Variants in ADAM28 observed in about 807,000 individuals in gnomAD.
ADAM28 encodes ADAM metallopeptidase domain 28.
In ADAM28, 105 loss-of-function variants were observed where a neutral mutation model predicts 101.2. The ratio of observed to expected loss-of-function variants is 1.04; its 90% CI spans 0.89 to 1.22. The LOEUF (loss-of-function observed/expected upper bound fraction) is 1.22, where lower values mean the gene tolerates loss of function less well. ADAM28 is among the 50% of genes most tolerant of loss of function. ADAM28 has a pLI of 0.00. For missense variants in ADAM28, 1,028 were observed against 945.4 expected (o/e 1.09, Z -1.15); for synonymous variants, 322 against 310.6 (o/e 1.04, Z -0.39).
chr8:24,353,914 A>C, intron 22 of ADAM28, 82 bp downstream of exon 22: 1 of 984,846 alleles, frequency 1.0e-6, no homozygotes, highest in South Asian at 1.7e-5. Flanking sequence ...GTCTTTTTAG[A>C]AAAAAACTTA....
intron 11 of ADAM28, 50 bp from the exon 12 acceptor site, chr8:24,331,100 C>T (rs778932033): frequency 1.3e-6 from 2 of 1,524,254 alleles, no homozygotes; most frequent in African/African-American, 1.4e-5. Flanking sequence ...TACTGCTTCG[C>T]ACATGTTAAG....
In ADAM28 at chr8:24,294,182, C is replaced by T; in HGVS notation, c.33C>T (p.Leu11=). MLQGLLPVSL[L]LSVAVSAIKE... ...AAGGTCTCCTGCCAGTCAGTCTCCT[C>T]CTCTCTGTTGCAGGTACATATTTAG... Residue 11 remains leucine, a synonymous_variant, in exon 1 of 23, where the codon CTC becomes CTT. Coordinates refer to ENST00000265769, the MANE Select transcript of ADAM28 (RefSeq NM_014265.6). 6.2e-7 allele frequency: 1 copy of T among 1,614,144 alleles called. No homozygotes were observed. The highest frequency in any genetic ancestry group is 1.1e-5 in the South Asian group (1 of 91,090).
At chr8:24,334,619 T>TGG (rs1162754296) in intron 13 of ADAM28, among the ~76,000 whole-genome samples, 4 of 152,232 alleles carry the variant, frequency 2.6e-5, no homozygotes, top group African/African-American at 9.6e-5. Context: ...AGGAATTCTC[T>TGG]GACTGGAGCT....
chr8:24,351,474 A>C, intron 20 of ADAM28, 164 bp downstream of exon 20: 5 of 739,086 alleles, frequency 6.8e-6, no homozygotes, highest in Admixed American at 2.1e-5. Flanking sequence ...AGTCCCTAAA[A>C]TGCCGAGGCT....
At position 24,355,125 on chromosome 8, in the gene ADAM28, A is replaced by C. The variant is rs1362492339; in HGVS notation, c.*721A>C. ...GGTCTGAATGATATTGATATTGGAC[A>C]CATAGTACTTTTACATGTTTTGAAT... On this transcript the variant is annotated 3_prime_UTR_variant, in exon 23 of 23. Transcript: ENST00000265769. 1 of 152,592 alleles carries C rather than the reference A, an allele frequency of 6.6e-6. No homozygotes were observed. The highest frequency in any genetic ancestry group is 1.5e-5 in the Non-Finnish European group (1 of 68,012). The allele number at this position is 152,592 out of a possible 1,614,324, so 9.5% of individuals were successfully genotyped here. A position where few individuals can be genotyped will look rare whatever the true frequency, so the allele number is the denominator to read the frequency against.
Position 24,335,456 on chromosome 8 carries a change from C to A in ADAM28, c.1382C>A (p.Ala461Asp). 3 of 1,610,490 alleles carry A rather than the reference C, an allele frequency of 1.9e-6. No individual in the cohort carries two copies. The highest frequency in any genetic ancestry group is 1.1e-5 in the South Asian group (1 of 90,508). ...ECCEKCQFKK[A>D]GMVCRPAKDE... ...TTTGTTTTTCTACAGTTTAAAAAGG[C>A]TGGGATGGTGTGCAGACCAGCAAAA... The change falls in exon 14 of 23, where the codon GCT becomes GAT. Residue 461 changes from alanine (A) to aspartate (D), a missense_variant. By Grantham distance (126) the Ala-to-Asp change is moderately radical (BLOSUM62 -2). Coordinates refer to ENST00000265769, the MANE Select transcript of ADAM28 (RefSeq NM_014265.6).
At chr8:24,325,892 A>C (rs1301666855) in intron 9 of ADAM28, among the ~76,000 whole-genome samples, 18 of 141,610 alleles carry the variant, frequency 1.3e-4, no homozygotes, top group South Asian at 2.3e-4. Flanking sequence ...AAAAAAAAAA[A>C]AAAAAAAACC....
At chr8:24,339,397 T>C (rs1412846517) in intron 14 of ADAM28, 69 bp from the exon 15 acceptor site, 1 of 1,227,326 alleles carries the variant, frequency 8.1e-7, no homozygotes, top group African/African-American at 1.5e-5. Context: ...TTAAAATCTT[T>C]TATTTTCAAG....
At position 24,339,480 on chromosome 8, in the gene ADAM28, G is replaced by C; in HGVS notation, c.1582G>C (p.Asp528His). 6.2e-7 allele frequency: 1 copy of C among 1,613,028 alleles called. No homozygotes were observed. The highest frequency in any genetic ancestry group is 1.1e-5 in the South Asian group (1 of 90,838). ...ELWGPGTEVA[D>H]KSCYNRNEGG... is the part of the protein sequence containing the mutation. ...CCTGGTCCCAGGAACTGAGGTTGCAGATAAGTCATGTTACAACAGGAATGA... is the reference window on the plus strand; with the variant it reads ...CCTGGTCCCAGGAACTGAGGTTGCACATAAGTCATGTTACAACAGGAATGA... Residue 528 changes from aspartate to histidine, a missense_variant, in exon 15 of 23, where the codon GAT becomes CAT. Transcript: ENST00000265769.
At chr8:24,348,170 T>C (rs1013627161) in intron 18 of ADAM28, among the ~76,000 whole-genome samples, 3 of 152,184 alleles carry the variant, frequency 2.0e-5, no homozygotes, top group African/African-American at 7.2e-5. Flanking sequence ...ATGCATTTCT[T>C]TTATATTTTA....
intron 18 of ADAM28, among the ~76,000 whole-genome samples, chr8:24,344,087 C>T (rs6997454): frequency 0.076 from 11,630 of 152,132 alleles, 810 homozygotes; most frequent in African/African-American, 0.18. Context: ...TTAGTTCACA[C>T]GGGATGTCTC....
At chr8:24,352,126 A>C in intron 21 of ADAM28, 74 bp downstream of exon 21, 1 of 1,257,452 alleles carries the variant, frequency 8.0e-7, no homozygotes, top group Non-Finnish European at 1.2e-6. Flanking sequence ...CATAGCCCAC[A>C]ACACTTCATT....
chr8:24,338,163 T>C (rs1194630348), intron 14 of ADAM28, among the ~76,000 whole-genome samples: 1 of 152,220 alleles, frequency 6.6e-6, no homozygotes, highest in Non-Finnish European at 1.5e-5. Flanking sequence ...ATGAGGATTT[T>C]TCAACCAGCA....
At chr8:24,348,984 T>C (rs1447573087) in intron 18 of ADAM28, among the ~76,000 whole-genome samples, 3 of 152,216 alleles carry the variant, frequency 2.0e-5, no homozygotes, top group African/African-American at 7.2e-5. Context: ...ACTTTTTGGA[T>C]TGGAATCTTA....
chr8:24,335,598 A>G lies in ADAM28; in HGVS notation c.1524A>G (p.Thr508=), dbSNP rs570041708. ...HHGKGHCLMG[T]CPTLQEQCTE... ...GGAAGGGCCACTGCTTGATGGGGAC[A>G]TGCCCCACACTGCAGGAGCAGTGCA... The change falls in exon 14 of 23, where the codon ACA becomes ACG. Residue 508 remains threonine, a synonymous_variant. Transcript: ENST00000265769. 3 of 1,613,472 alleles carry G rather than the reference A, an allele frequency of 1.9e-6. No individual in the cohort carries two copies. Among genetic ancestry groups the G allele is most frequent in the Non-Finnish European group, 8.5e-7 (1 of 1,179,666 alleles).
At chr8:24,320,440 A>T in intron 7 of ADAM28, 133 bp downstream of exon 7, 1 of 644,784 alleles carries the variant, frequency 1.6e-6, no homozygotes, top group Non-Finnish European at 2.6e-6. Flanking sequence ...TGTTCTTCTA[A>T]AACTATGAAA....
chr8:24,342,879 TA>T, intron 16 of ADAM28: 1 of 729,598 alleles, frequency 1.4e-6, no homozygotes, highest in Non-Finnish European at 2.1e-6. Flanking sequence ...TTTGGATTTT[TA>T]AAAATACATA....
intron 2 of ADAM28, among the ~76,000 whole-genome samples, chr8:24,304,639 G>A (rs1346617279): frequency 6.6e-6 from 1 of 152,126 alleles, no homozygotes; most frequent in East Asian, 1.9e-4. Context: ...ATTGAGGCGG[G>A]TGGGTCACCT....
intron 18 of ADAM28, among the ~76,000 whole-genome samples, chr8:24,349,304 A>G (rs1255824008): frequency 6.6e-6 from 1 of 152,218 alleles, no homozygotes; most frequent in African/African-American, 2.4e-5. Flanking sequence ...AGTACAAGAA[A>G]AAACACCATG....
Sources: allele counts gnomAD v4.1 joint callset (sites outside exome capture counted in the v4.1 genomes callset), GRCh38; gene constraint gnomAD v4.1.1; transcripts MANE v1.5; gene names NCBI Gene and HGNC (gene_info 2026-07-23, HGNC 2026-07-21).